The following SBF2 variants were observed in gnomAD, a reference collection of about 807,000 sequenced individuals.
The protein encoded by SBF2 is myotubularin-related protein 13.
Under a neutral mutation model 225.2 loss-of-function variants are expected in SBF2, and 112 were observed. The ratio of observed to expected loss-of-function variants is 0.50; its 90% CI spans 0.43 to 0.58. SBF2 has a LOEUF of 0.58. SBF2 is among the 20% of genes least tolerant of loss of function. SBF2 has a pLI of 0.00. For synonymous variants in SBF2, 763 were observed against 773.3 expected, an observed-to-expected ratio of 0.99 and a Z score of 0.22; for missense variants, 1,996 against 2,206.2, an observed-to-expected ratio of 0.90 and a Z score of 1.91.
chr11:10,121,755 T>C (rs1020728407), intron 2 of SBF2, among the ~76,000 whole-genome samples: 1 of 152,244 alleles, frequency 6.6e-6, no homozygotes, highest in African/African-American at 2.4e-5. Context: ...CCTTCAGATC[T>C]GAAAATATTA....
At chr11:10,225,620 G>T (rs990074657) in intron 1 of SBF2, among the ~76,000 whole-genome samples, 4 of 152,000 alleles carry the variant, frequency 2.6e-5, no homozygotes, top group Non-Finnish European at 4.4e-5. Flanking sequence ...TTTTCAAAAA[G>T]AAAAAAGTGC....
At chr11:9,817,870 T>C (rs1361287124) in intron 28 of SBF2, among the ~76,000 whole-genome samples, 1 of 152,072 alleles carries the variant, frequency 6.6e-6, no homozygotes, top group Non-Finnish European at 1.5e-5. Flanking sequence ...CGCTACATAC[T>C]GGGCAACAGA....
intron 1 of SBF2, among the ~76,000 whole-genome samples, chr11:10,257,513 T>TA (rs1384488771): frequency 6.6e-6 from 1 of 150,802 alleles, no homozygotes; most frequent in Non-Finnish European, 1.5e-5. Flanking sequence ...AAATTAAAAT[T>TA]AAAAAAATAG....
intron 3 of SBF2, among the ~76,000 whole-genome samples, chr11:10,037,310 T>A (rs1949476914): frequency 6.6e-6 from 1 of 152,162 alleles, no homozygotes; most frequent in African/African-American, 2.4e-5. Context: ...TTTCTCTGTG[T>A]GAATTATGTT....
chr11:9,812,789 T>C, intron 29 of SBF2, 81 bp from the exon 30 acceptor site: 1 of 1,462,418 alleles, frequency 6.8e-7, no homozygotes, highest in South Asian at 1.2e-5. Flanking sequence ...CAGTGCATAA[T>C]GACAAAGTTA....
chr11:10,074,097 C>T (rs1951000545), intron 2 of SBF2, among the ~76,000 whole-genome samples: 1 of 152,154 alleles, frequency 6.6e-6, no homozygotes, highest in Admixed American at 6.5e-5. Flanking sequence ...TCACAATAAT[C>T]CAATTAGAAG....
chr11:10,214,453 C>G (rs1326683926), intron 1 of SBF2, among the ~76,000 whole-genome samples: 1 of 152,136 alleles, frequency 6.6e-6, no homozygotes, highest in Non-Finnish European at 1.5e-5. Flanking sequence ...GAAACCCCAT[C>G]TCTACTAAAA....
At chr11:10,059,200 A>G (rs1484517179) in intron 2 of SBF2, among the ~76,000 whole-genome samples, 2 of 152,176 alleles carry the variant, frequency 1.3e-5, no homozygotes, top group Admixed American at 6.5e-5. Context: ...ACCCACTTAA[A>G]AGGCACAAAG....
rs192185903 is a variant in SBF2, at chr11:9,926,435, A to G, written c.1861-30424T>C. On this transcript the variant is annotated intron_variant, in intron 16 of 39. Coordinates refer to ENST00000256190, the MANE Select transcript of SBF2 (RefSeq NM_030962.4). ...CTTAAAATTTCATAATGCTATACCA[A>G]TCAAAATTCTTATATTAGAACACAC... Among the ~76,000 whole-genome samples, 175 of 152,254 alleles carry G rather than the reference A, an allele frequency of 1.1e-3. 1 individual carries two copies. Among genetic ancestry groups the G allele is most frequent in the Non-Finnish European group, 7.4e-4 (50 of 67,998 alleles).
At chr11:10,075,434 G>A (rs549018487) in intron 2 of SBF2, among the ~76,000 whole-genome samples, 19 of 152,290 alleles carry the variant, frequency 1.2e-4, no homozygotes, top group African/African-American at 3.8e-4. Flanking sequence ...AGTTGATATG[G>A]TTTGGTTCTG....
At chr11:10,252,829 A>G (rs991647961) in intron 1 of SBF2, among the ~76,000 whole-genome samples, 25 of 136,352 alleles carry the variant, frequency 1.8e-4, no homozygotes, top group African/African-American at 6.0e-4. Context: ...TCAAAAAAAA[A>G]AAAATCAAAA....
intron 2 of SBF2, among the ~76,000 whole-genome samples, chr11:10,059,590 C>A (rs1950361032): frequency 6.6e-6 from 1 of 152,128 alleles, no homozygotes. Flanking sequence ...CTTCTCATCA[C>A]CATATGGCAC....
At chr11:9,967,512 G>A (rs1052488836) in intron 14 of SBF2, among the ~76,000 whole-genome samples, 1 of 152,150 alleles carries the variant, frequency 6.6e-6, no homozygotes, top group African/African-American at 2.4e-5. Flanking sequence ...TCCAGAATAC[G>A]TAAAGCTATG....
chr11:10,123,318 A>G (rs147044113), intron 2 of SBF2, among the ~76,000 whole-genome samples: 1 of 152,078 alleles, frequency 6.6e-6, no homozygotes, highest in Non-Finnish European at 1.5e-5. Context: ...CAAAATATTC[A>G]TTCCTCTAAG....
intron 17 of SBF2, among the ~76,000 whole-genome samples, chr11:9,879,280 T>C (rs1404375291): frequency 1.3e-5 from 2 of 152,376 alleles, no homozygotes; most frequent in South Asian, 2.1e-4. Flanking sequence ...TAGGGACACA[T>C]AGTTATTAAA....
chr11:9,794,351 T>C (rs1852955266), intron 33 of SBF2, among the ~76,000 whole-genome samples: 1 of 152,138 alleles, frequency 6.6e-6, no homozygotes, highest in South Asian at 2.1e-4. Flanking sequence ...AGTGACATGG[T>C]GACCCCTGTA....
chr11:10,007,305 G>A (rs180768004), intron 6 of SBF2, among the ~76,000 whole-genome samples: 2 of 151,962 alleles, frequency 1.3e-5, no homozygotes, highest in East Asian at 3.9e-4. Flanking sequence ...ATGGGTAACT[G>A]CATCTTCATA....
At chr11:10,022,240 A>T (rs909777413) in intron 6 of SBF2, among the ~76,000 whole-genome samples, 17 of 152,170 alleles carry the variant, frequency 1.1e-4, no homozygotes, top group Admixed American at 9.2e-4. Flanking sequence ...CTTATAAACA[A>T]ACAGGGGAAA....
At position 9,929,333 on chromosome 11, in the gene SBF2, A is replaced by C. The variant is rs1322206772; in HGVS notation, c.1860+32624T>G. 3 of 175,188 alleles carry C rather than the reference A, an allele frequency of 1.7e-5. No individual in the cohort carries two copies. In the East Asian group the frequency reaches 4.9e-4, roughly 29 times the overall value. 10.9% of individuals were successfully genotyped at this position (175,188 alleles called of 1,614,324 possible). A position where few individuals can be genotyped will look rare whatever the true frequency, so the allele number is the denominator to read the frequency against. On this transcript the variant is annotated intron_variant, in intron 16 of 39. Coordinates refer to ENST00000256190, the MANE Select transcript of SBF2 (RefSeq NM_030962.4). ...TCTTCTCTTACTCTATGCAACAAGG[A>C]AACATTTCTCAATTGGATTGTGATG...
Sources: allele counts gnomAD v4.1 joint callset (sites outside exome capture counted in the v4.1 genomes callset), GRCh38; gene constraint gnomAD v4.1.1; transcripts MANE v1.5; gene names NCBI Gene and HGNC (gene_info 2026-07-23, HGNC 2026-07-21).